The following LDLRAD4 variants were observed in gnomAD, a reference collection of about 807,000 sequenced individuals.
LDLRAD4 encodes low density lipoprotein receptor class A domain containing 4.
LDLRAD4 carries 5 observed loss-of-function variants against 17.0 expected under a neutral mutation model. The observed-to-expected ratio is 0.29, with a 90% CI of 0.15 to 0.62. The LOEUF is 0.62. Ranked by LOEUF, LDLRAD4 falls within the 20% of genes least tolerant of loss-of-function variation. LDLRAD4 has a pLI of 0.84. For missense variants in LDLRAD4, 340 were observed against 424.7 expected (o/e 0.80, Z 1.75); for synonymous variants, 168 against 171.8 (o/e 0.98, Z 0.17).
chr18:13,465,603 A>G (rs902590251), intron 3 of LDLRAD4, among the ~76,000 whole-genome samples: 2 of 152,228 alleles, frequency 1.3e-5, no homozygotes, highest in African/African-American at 4.8e-5. Context: ...GGCCCTGGGC[A>G]TGCCCTCATT....
intron 3 of LDLRAD4, among the ~76,000 whole-genome samples, chr18:13,477,433 C>G (rs1028558664): frequency 6.6e-6 from 1 of 152,174 alleles, no homozygotes; most frequent in African/African-American, 2.4e-5. Flanking sequence ...CTAGAAGAGC[C>G]CTCCCACCTG....
intron 4 of LDLRAD4, among the ~76,000 whole-genome samples, chr18:13,642,974 C>A (rs1601888204): frequency 6.7e-6 from 1 of 148,832 alleles, no homozygotes; most frequent in African/African-American, 2.5e-5. Flanking sequence ...CTCACTCTGT[C>A]GCCCAGGCTG....
At chr18:13,501,106 CTG>C (rs1478232839) in intron 3 of LDLRAD4, 1 of 152,006 alleles carries the variant, frequency 6.6e-6, no homozygotes, top group Non-Finnish European at 1.5e-5. Flanking sequence ...GGTGCTGTAA[CTG>C]TTGTTAGCGG....
Position 13,398,178 on chromosome 18 carries a change from G to A in LDLRAD4, c.40+10416G>A, listed in dbSNP as rs998387562. On this transcript the variant is annotated intron_variant, in intron 2 of 5. Coordinates refer to ENST00000359446, the Ensembl canonical transcript of LDLRAD4. This position sits in a 1 kb window ranked among gnomAD's most constrained non-coding sequence, Gnocchi z 4.8. ...GGGCAGGAGGGGACGGAGGGAGAGAGGCAGGAGGCTGAAGCGCCGAACCCA... is the reference window on the plus strand; with the variant it reads ...GGGCAGGAGGGGACGGAGGGAGAGAAGCAGGAGGCTGAAGCGCCGAACCCA... 1.3e-5 allele frequency among the ~76,000 whole-genome samples: 2 copies of A among 152,226 alleles called. No homozygotes were observed. Among genetic ancestry groups the A allele is most frequent in the African/African-American group, 4.8e-5 (2 of 41,460 alleles).
At chr18:13,647,812 T>G (rs2043072539) in exon 6 of LDLRAD4, 1 of 152,274 alleles carries the variant, frequency 6.6e-6, no homozygotes, top group Non-Finnish European at 1.5e-5. Flanking sequence ...GTGGAGGTTC[T>G]GAGACTGGAT....
At chr18:13,422,891 A>G (rs757830496) in intron 2 of LDLRAD4, among the ~76,000 whole-genome samples, 6 of 152,162 alleles carry the variant, frequency 3.9e-5, no homozygotes, top group Non-Finnish European at 7.3e-5. Flanking sequence ...AACCTTGGTG[A>G]CATGCTCTCC....
intron 3 of LDLRAD4, among the ~76,000 whole-genome samples, chr18:13,620,050 G>C (rs1465402167): frequency 6.6e-6 from 1 of 151,974 alleles, no homozygotes; most frequent in African/African-American, 2.4e-5. Context: ...AGAACCCCTC[G>C]TCCAGCCTCA....
intron 1 of LDLRAD4, among the ~76,000 whole-genome samples, chr18:13,242,747 C>T (rs897215381): frequency 1.3e-5 from 2 of 152,194 alleles, no homozygotes; most frequent in Non-Finnish European, 2.9e-5. Context: ...ACCATCACGT[C>T]AATAGGGTAC....
At chr18:13,635,198 A>C (rs529172955) in intron 4 of LDLRAD4, among the ~76,000 whole-genome samples, 1 of 152,254 alleles carries the variant, frequency 6.6e-6, no homozygotes, top group East Asian at 1.9e-4. Context: ...CTCATTCTGG[A>C]GGTCAGACAT....
chr18:13,510,596 C>T (rs566136774), intron 3 of LDLRAD4, among the ~76,000 whole-genome samples: 6 of 152,088 alleles, frequency 3.9e-5, no homozygotes, highest in African/African-American at 1.2e-4. Flanking sequence ...GTGATGGGTG[C>T]ACTAAAATCC....
intron 3 of LDLRAD4, among the ~76,000 whole-genome samples, chr18:13,485,334 CAGGA>C (rs1027256114): frequency 4.6e-5 from 7 of 152,184 alleles, no homozygotes; most frequent in Non-Finnish European, 8.8e-5. Flanking sequence ...AGTTGGGAGC[CAGGA>C]AGGCCTGAGT....
chr18:13,590,335 G>T (rs1375937306), intron 3 of LDLRAD4, among the ~76,000 whole-genome samples: 2 of 127,874 alleles, frequency 1.6e-5, no homozygotes, highest in African/African-American at 3.0e-5. Context: ...TATGTGGGGG[G>T]TAAGTGTGTG....
At chr18:13,505,458 G>T (rs1226667524) in intron 3 of LDLRAD4, among the ~76,000 whole-genome samples, 1 of 152,220 alleles carries the variant, frequency 6.6e-6, no homozygotes, top group East Asian at 1.9e-4. Flanking sequence ...ACCATCAATT[G>T]TAAATGCATA....
chr18:13,265,138 A>C (rs2044143719), intron 1 of LDLRAD4, among the ~76,000 whole-genome samples: 1 of 152,088 alleles, frequency 6.6e-6, no homozygotes, highest in Non-Finnish European at 1.5e-5. Flanking sequence ...CACTGCCTTC[A>C]ATTCTCAACA....
At position 13,304,721 on chromosome 18, in the gene LDLRAD4, T is replaced by C. The variant is rs146640007; in HGVS notation, c.-383+26533T>C. The stretch of plus-strand genomic sequence containing the variant: ...CCCCATTTGTTTTGGTTTCAAATTA[T>C]GATATTCAAGAATAATTTCCATTTT... On this transcript the variant is annotated intron_variant, in intron 1 of 5. Coordinates refer to ENST00000359446, the Ensembl canonical transcript of LDLRAD4. 9.5e-3 allele frequency among the ~76,000 whole-genome samples: 1,452 copies of C among 152,368 alleles called. 16 individuals are homozygous for C. The highest frequency in any genetic ancestry group is 0.016 in the Non-Finnish European group (1,097 of 68,034).
intron 3 of LDLRAD4, among the ~76,000 whole-genome samples, chr18:13,457,693 C>T (rs2092215952): frequency 6.6e-6 from 1 of 152,190 alleles, no homozygotes; most frequent in African/African-American, 2.4e-5. Context: ...GATAGATCCA[C>T]ATCACGGCAC....
chr18:13,576,457 G>T (rs150827372), intron 3 of LDLRAD4, among the ~76,000 whole-genome samples: 278 of 147,546 alleles, frequency 1.9e-3, no homozygotes, highest in African/African-American at 6.2e-3. Context: ...AAGAAAGAAA[G>T]AAATAAAGTG....
At chr18:13,422,214 G>A (rs1031715071) in intron 2 of LDLRAD4, among the ~76,000 whole-genome samples, 2 of 152,128 alleles carry the variant, frequency 1.3e-5, no homozygotes, top group African/African-American at 2.4e-5. Flanking sequence ...ATGTCACATG[G>A]GCTTACACTG....
At position 13,515,400 on chromosome 18, in the gene LDLRAD4, G is replaced by A. The variant is rs546450377; in HGVS notation, c.181+77016G>A. The stretch of plus-strand genomic sequence containing the variant: ...GTGGTTCTTGCATGTCACTTTGAAT[G>A]TAACTTTGAAGCCAGGTTGTCCTAG... On this transcript the variant is annotated intron_variant, in intron 3 of 5. Coordinates refer to ENST00000359446, the Ensembl canonical transcript of LDLRAD4. 9 of 152,372 alleles carry A rather than the reference G, an allele frequency of 5.9e-5. No individual in the cohort carries two copies. In the East Asian group the frequency reaches 1.2e-3, roughly 20 times the overall value. The allele number at this position is 152,372 out of a possible 1,614,324, so 9.4% of individuals were successfully genotyped here.
Sources: allele counts gnomAD v4.1 joint callset (sites outside exome capture counted in the v4.1 genomes callset), GRCh38; gene constraint gnomAD v4.1.1; non-coding constraint Gnocchi (gnomAD v3.1); transcripts MANE v1.5; gene names NCBI Gene and HGNC (gene_info 2026-07-23, HGNC 2026-07-21).